MYO3B: variants seen among roughly 807,000 people sequenced by gnomAD.
The protein encoded by MYO3B is myosin IIIB.
A neutral mutation model predicts 174.6 loss-of-function variants in MYO3B; 156 were observed. The ratio of observed to expected loss-of-function variants is 0.89; its 90% CI spans 0.78 to 1.02. MYO3B has a LOEUF of 1.02. Among genes scored for constraint, MYO3B ranks in the 50% least tolerant of loss-of-function variants. The pLI, the probability that MYO3B is intolerant of heterozygous loss-of-function variation, is 0.00. For missense variants in MYO3B, 1,632 were observed against 1,639.4 expected (o/e 1.00, Z 0.08); for synonymous variants, 563 against 569.1 (o/e 0.99, Z 0.15).
At chr2:170,593,519 C>T (rs1210008594) in intron 32 of MYO3B, among the ~76,000 whole-genome samples, 1 of 152,208 alleles carries the variant, frequency 6.6e-6, no homozygotes, top group Non-Finnish European at 1.5e-5. Context: ...TTGTATACAT[C>T]AGCACAGAAA....
At chr2:170,429,858 C>A (rs1319704212) in intron 22 of MYO3B, among the ~76,000 whole-genome samples, 5 of 152,204 alleles carry the variant, frequency 3.3e-5, no homozygotes, top group Non-Finnish European at 7.3e-5. Context: ...TTCTAACACT[C>A]ACCAGTTTCA....
chr2:170,435,023 TG>T (rs2094741541), intron 22 of MYO3B, among the ~76,000 whole-genome samples: 1 of 152,264 alleles, frequency 6.6e-6, no homozygotes, highest in Non-Finnish European at 1.5e-5. Context: ...CTTGCATTTT[TG>T]TTAGCTACAG....
At chr2:170,533,428 G>T (rs562615103) in intron 30 of MYO3B, among the ~76,000 whole-genome samples, 3 of 149,962 alleles carry the variant, frequency 2.0e-5, no homozygotes, top group Non-Finnish European at 3.0e-5. Context: ...GTGGGGGTGG[G>T]GGGGGGGTGT....
chr2:170,224,171 G>C (rs960773671), intron 6 of MYO3B, among the ~76,000 whole-genome samples: 9 of 138,180 alleles, frequency 6.5e-5, no homozygotes, highest in African/African-American at 2.2e-4. Context: ...CTCTATACCA[G>C]GGACTATGAT....
intron 3 of MYO3B, among the ~76,000 whole-genome samples, chr2:170,202,067 A>C (rs1159915997): frequency 6.6e-6 from 1 of 152,146 alleles, no homozygotes; most frequent in Non-Finnish European, 1.5e-5. Flanking sequence ...CTTCCTGATG[A>C]GGAGTGACCC....
In MYO3B at chr2:170,181,855, C is replaced by T. The variant is rs192836692; in HGVS notation, c.2+3566C>T. On this transcript the variant is annotated intron_variant, in intron 1 of 34. Transcript: ENST00000408978. ...TCCTCACAAAGATTGTTTACGCTTT[C>T]GCTCATGTTGTCTCAGAGTGCTTAT... Among the ~76,000 whole-genome samples, 472 of 152,178 alleles carry T rather than the reference C, an allele frequency of 3.1e-3. 2 individuals carry two copies. Among genetic ancestry groups the T allele is most frequent in the African/African-American group, 0.01 (426 of 41,540 alleles).
At chr2:170,621,097 C>T (rs536559558) in intron 32 of MYO3B, among the ~76,000 whole-genome samples, 2 of 152,240 alleles carry the variant, frequency 1.3e-5, no homozygotes, top group East Asian at 3.9e-4. Context: ...CCATCTCGGC[C>T]AGGCTGGTCT....
intron 32 of MYO3B, among the ~76,000 whole-genome samples, chr2:170,628,424 G>A (rs533593738): frequency 1.0e-3 from 156 of 152,320 alleles, no homozygotes; most frequent in African/African-American, 3.6e-3. Context: ...GGAGTGACCC[G>A]ATTTTCCAGG....
intron 25 of MYO3B, among the ~76,000 whole-genome samples, chr2:170,490,307 C>T (rs1327456497): frequency 1.3e-5 from 2 of 152,090 alleles, no homozygotes; most frequent in African/African-American, 2.4e-5. Context: ...GGATTACAGG[C>T]GTGAGCCACC....
intron 7 of MYO3B, among the ~76,000 whole-genome samples, chr2:170,251,814 G>C (rs997534418): frequency 2.6e-5 from 4 of 152,140 alleles, no homozygotes; most frequent in Non-Finnish European, 5.9e-5. Flanking sequence ...CTCTGGAAAG[G>C]GTCTAGGATC....
intron 32 of MYO3B, among the ~76,000 whole-genome samples, chr2:170,623,762 A>G (rs1177365534): frequency 6.6e-6 from 1 of 152,152 alleles, no homozygotes; most frequent in Non-Finnish European, 1.5e-5. Flanking sequence ...AATGTGTAAC[A>G]AAGGGATCCA....
At chr2:170,404,546 G>A (rs1574927058) in intron 20 of MYO3B, 146 bp downstream of exon 20, 1 of 768,704 alleles carries the variant, frequency 1.3e-6, no homozygotes, top group South Asian at 2.4e-5. Flanking sequence ...TCATTGAATT[G>A]AAGTGTTGTG....
At chr2:170,432,659 C>T (rs1048780252) in intron 22 of MYO3B, among the ~76,000 whole-genome samples, 6 of 151,500 alleles carry the variant, frequency 4.0e-5, no homozygotes, top group Non-Finnish European at 7.4e-5. Context: ...TCACTGCAAG[C>T]TCCGCCTCCC....
intron 1 of MYO3B, among the ~76,000 whole-genome samples, chr2:170,193,109 A>G (rs566112727): frequency 2.0e-5 from 3 of 151,702 alleles, no homozygotes; most frequent in Non-Finnish European, 2.9e-5. Context: ...GTCTTTTACT[A>G]TTATTGTGTT....
chr2:170,322,071 G>A (rs140289228), intron 7 of MYO3B, among the ~76,000 whole-genome samples: 1,837 of 146,050 alleles, frequency 0.013, 35 homozygotes, highest in African/African-American at 0.045. Context: ...CCAAGATCAC[G>A]CCACTGTGCT....
chr2:170,273,810 C>T (rs1251095754), intron 7 of MYO3B, among the ~76,000 whole-genome samples: 2 of 152,022 alleles, frequency 1.3e-5, no homozygotes, highest in Non-Finnish European at 2.9e-5. Context: ...TTGCTTTATT[C>T]CTGGAATAAG....
chr2:170,283,087 G>C (rs1163956007), intron 7 of MYO3B, among the ~76,000 whole-genome samples: 1 of 152,168 alleles, frequency 6.6e-6, no homozygotes, highest in Non-Finnish European at 1.5e-5. Context: ...AGTTTGGTGG[G>C]GCTGGGCTCT....
chr2:170,306,255 G>T lies in MYO3B; in HGVS notation c.750-29130G>T, dbSNP rs371133017. 4.6e-5 allele frequency among the ~76,000 whole-genome samples: 7 copies of T among 152,282 alleles called. 1 individual carries two copies. Among genetic ancestry groups the T allele is most frequent in the Admixed American group, 1.3e-4 (2 of 15,306 alleles). On this transcript the variant is annotated intron_variant, in intron 7 of 34. Coordinates refer to ENST00000408978, the MANE Select transcript of MYO3B (RefSeq NM_138995.5). Reference sequence around the variant, plus strand: ...CTTTGAAGATCTAAATTTCCAAACTGGCACCACATATCCGCAAGATACTGT... The same window carrying T: ...CTTTGAAGATCTAAATTTCCAAACTTGCACCACATATCCGCAAGATACTGT...
intron 9 of MYO3B, 52 bp from the exon 10 acceptor site, chr2:170,381,964 C>A: frequency 6.8e-7 from 1 of 1,478,960 alleles, no homozygotes; most frequent in Non-Finnish European, 9.4e-7. Context: ...TGCCCGCTTT[C>A]TGCTACATTA....
Sources: allele counts gnomAD v4.1 joint callset (sites outside exome capture counted in the v4.1 genomes callset), GRCh38; gene constraint gnomAD v4.1.1; transcripts MANE v1.5; gene names NCBI Gene and HGNC (gene_info 2026-07-23, HGNC 2026-07-21).